KCNC2: variants seen among roughly 807,000 people sequenced by gnomAD.
KCNC2 encodes the protein voltage-gated potassium channel KCNC2.
KCNC2 carries 21 observed loss-of-function variants against 44.5 expected under a neutral mutation model. The observed-to-expected ratio is 0.47, with a 90% CI of 0.33 to 0.68. The LOEUF is 0.68. Ranked by LOEUF, KCNC2 falls within the 30% of genes least tolerant of loss-of-function variation. KCNC2 has a pLI of 0.01. For synonymous variants in KCNC2, 391 were observed against 339.1 expected (o/e 1.15, Z -1.68); for missense variants, 589 against 826.2 (o/e 0.71, Z 3.52).
At chr12:75,108,989 G>C (rs7484886) in intron 2 of KCNC2, among the ~76,000 whole-genome samples, 1 of 152,144 alleles carries the variant, frequency 6.6e-6, no homozygotes, top group Non-Finnish European at 1.5e-5. Flanking sequence ...TTATATACTA[G>C]AAGATACAAA....
intron 2 of KCNC2, among the ~76,000 whole-genome samples, chr12:75,155,564 TA>T (rs1249633389): frequency 2.6e-5 from 4 of 151,822 alleles, no homozygotes; most frequent in African/African-American, 9.7e-5. Flanking sequence ...AAAATGAAGA[TA>T]ATTTGACTTT....
intron 2 of KCNC2, among the ~76,000 whole-genome samples, chr12:75,086,681 A>AAAAAAAATATATATAT (rs1206456289): frequency 3.7e-5 from 2 of 54,208 alleles, no homozygotes; most frequent in African/African-American, 7.8e-5. Flanking sequence ...AAAAAAAAAA[A>AAAAAAAATATATATAT]ATATATATAT....
intron 2 of KCNC2, among the ~76,000 whole-genome samples, chr12:75,135,027 A>C (rs1283494184): frequency 1.3e-5 from 2 of 151,944 alleles, no homozygotes; most frequent in African/African-American, 4.8e-5. Context: ...TTTACTTTAA[A>C]TAAATACAAA....
chr12:75,110,911 C>T (rs1005659259), intron 2 of KCNC2, among the ~76,000 whole-genome samples: 7 of 152,036 alleles, frequency 4.6e-5, no homozygotes, highest in African/African-American at 1.7e-4. Context: ...CTAAAATTCT[C>T]TTGTTTTCCC....
intron 2 of KCNC2, among the ~76,000 whole-genome samples, chr12:75,093,364 C>G (rs191660324): frequency 2.0e-5 from 3 of 151,522 alleles, no homozygotes; most frequent in Non-Finnish European, 4.4e-5. Context: ...TGTTCCTACC[C>G]TCATGTGGCT....
intron 2 of KCNC2, among the ~76,000 whole-genome samples, chr12:75,129,782 A>G (rs1422270654): frequency 3.3e-5 from 5 of 152,204 alleles, no homozygotes; most frequent in Non-Finnish European, 7.4e-5. Context: ...CCAATAAGAC[A>G]TTCATGAAAT....
intron 2 of KCNC2, among the ~76,000 whole-genome samples, chr12:75,088,420 G>A (rs550466252): frequency 6.6e-6 from 1 of 152,136 alleles, no homozygotes; most frequent in South Asian, 2.1e-4. Context: ...TACAGTGAAA[G>A]TTATTTTAAC....
chr12:75,046,832 AAG>A (rs1880577742), intron 4 of KCNC2, among the ~76,000 whole-genome samples: 1 of 151,952 alleles, frequency 6.6e-6, no homozygotes, highest in Non-Finnish European at 1.5e-5. Context: ...TTACTCATGA[AAG>A]GAACAAGAGT....
chr12:75,076,336 G>T (rs1296371041), intron 2 of KCNC2, among the ~76,000 whole-genome samples: 26 of 93,742 alleles, frequency 2.8e-4, no homozygotes, highest in Non-Finnish European at 6.9e-4. Flanking sequence ...GCAGTAGCGC[G>T]ATCTCGACTC....
At chr12:75,049,545 G>A (rs950191518) in intron 3 of KCNC2, among the ~76,000 whole-genome samples, 9 of 152,098 alleles carry the variant, frequency 5.9e-5, no homozygotes, top group South Asian at 2.1e-4. Context: ...ATTTCTAGTC[G>A]ATCAACTCTA....
At chr12:75,055,865 A>G (rs963355175) in intron 2 of KCNC2, among the ~76,000 whole-genome samples, 1 of 152,062 alleles carries the variant, frequency 6.6e-6, no homozygotes, top group Non-Finnish European at 1.5e-5. Context: ...GCAGAGAGAA[A>G]GTGATGAAAA....
chr12:75,043,348 A>G (rs1325884714), intron 4 of KCNC2, 107 bp from the exon 5 acceptor site: 11 of 1,461,728 alleles, frequency 7.5e-6, no homozygotes, highest in Non-Finnish European at 9.0e-6. Context: ...CTCAAAGAAG[A>G]ATTTGTTTAC....
intron 2 of KCNC2, among the ~76,000 whole-genome samples, chr12:75,116,160 G>A (rs969181907): frequency 2.0e-5 from 3 of 152,122 alleles, no homozygotes; most frequent in African/African-American, 7.2e-5. Context: ...TACAAAGGGA[G>A]CACAAAATGG....
intron 2 of KCNC2, among the ~76,000 whole-genome samples, chr12:75,090,161 T>A (rs1885352199): frequency 6.6e-6 from 1 of 151,802 alleles, no homozygotes; most frequent in Admixed American, 6.6e-5. Flanking sequence ...AGTTTCTACA[T>A]ATCGCTAAAC....
chr12:75,158,708 C>A (rs1890922316), intron 2 of KCNC2, among the ~76,000 whole-genome samples: 1 of 151,700 alleles, frequency 6.6e-6, no homozygotes. Context: ...CCCAAAAAAC[C>A]TTCTGAGAAG....
At chr12:75,092,448 A>G (rs912732894) in intron 2 of KCNC2, among the ~76,000 whole-genome samples, 1 of 151,710 alleles carries the variant, frequency 6.6e-6, no homozygotes, top group Non-Finnish European at 1.5e-5. Flanking sequence ...ATTTGTAAAA[A>G]TAGCTTAATC....
chr12:75,122,839 A>G (rs1253963671), intron 2 of KCNC2, among the ~76,000 whole-genome samples: 4 of 152,170 alleles, frequency 2.6e-5, no homozygotes, highest in Non-Finnish European at 5.9e-5. Flanking sequence ...ATTTTACCAA[A>G]ACAACATATT....
intron 2 of KCNC2, among the ~76,000 whole-genome samples, chr12:75,136,568 T>G (rs1889245491): frequency 6.6e-6 from 1 of 152,042 alleles, no homozygotes; most frequent in Non-Finnish European, 1.5e-5. Context: ...CTAGAAAGCC[T>G]AGAGGAAATG....
chr12:75,119,610 A>G (rs1396152761), intron 2 of KCNC2, among the ~76,000 whole-genome samples: 9 of 152,154 alleles, frequency 5.9e-5, no homozygotes, highest in African/African-American at 2.2e-4. Context: ...ATCATTCTGC[A>G]TTGTTTGCAT....
Sources: allele counts gnomAD v4.1 joint callset (sites outside exome capture counted in the v4.1 genomes callset), GRCh38; gene constraint gnomAD v4.1.1; transcripts MANE v1.5; gene names NCBI Gene and HGNC (gene_info 2026-07-23, HGNC 2026-07-21).